The following GPHN variants were observed in gnomAD, a reference collection of about 807,000 sequenced individuals.
GPHN encodes the protein gephyrin.
A neutral mutation model predicts 95.5 loss-of-function variants in GPHN; 17 were observed. The observed-to-expected ratio is 0.18, with a 90% CI of 0.12 to 0.27. The LOEUF (loss-of-function observed/expected upper bound fraction) is 0.27. GPHN is among the 10% of genes least tolerant of loss of function. The pLI, the probability that GPHN is intolerant of heterozygous loss-of-function variation, is 1.00. For missense variants in GPHN, 660 were observed against 978.1 expected, an observed-to-expected ratio of 0.67 and a Z score of 4.34; for synonymous variants, 320 against 322.5, an observed-to-expected ratio of 0.99 and a Z score of 0.08.
At chr14:67,120,926 A>G (rs1392943889) in intron 16 of GPHN, among the ~76,000 whole-genome samples, 2 of 152,188 alleles carry the variant, frequency 1.3e-5, no homozygotes, top group Non-Finnish European at 2.9e-5. Flanking sequence ...AGCCTATTGT[A>G]AGGGGACAGT....
At chr14:67,454,581 A>C in the GPHN span, 16 of 152,324 alleles carry the variant, frequency 1.1e-4, no homozygotes, top group East Asian at 2.9e-3. Context: ...CATCAAACAC[A>C]AATGGGCATC....
chr14:67,097,216 G>A (rs1022151659), intron 12 of GPHN, among the ~76,000 whole-genome samples: 2 of 152,172 alleles, frequency 1.3e-5, no homozygotes, highest in African/African-American at 4.8e-5. Context: ...CTTGAGGGGA[G>A]AGGAGTCAGA....
At chr14:66,859,487 GC>G (rs1213966517) in intron 4 of GPHN, among the ~76,000 whole-genome samples, 1 of 152,200 alleles carries the variant, frequency 6.6e-6, no homozygotes, top group Non-Finnish European at 1.5e-5. Context: ...TACCTGGAAA[GC>G]CTTTCTGAGA....
At chr14:67,459,776 T>C in the GPHN span, among the ~76,000 whole-genome samples, 1 of 152,170 alleles carries the variant, frequency 6.6e-6, no homozygotes, top group African/African-American at 2.4e-5. Flanking sequence ...AACAATTATA[T>C]CGTTGAAGTG....
intron 5 of GPHN, among the ~76,000 whole-genome samples, chr14:66,908,533 G>A (rs947859026): frequency 6.6e-6 from 1 of 152,010 alleles, no homozygotes; most frequent in Non-Finnish European, 1.5e-5. Flanking sequence ...TTATATAGAT[G>A]CTCCACCCTC....
intron 1 of GPHN, among the ~76,000 whole-genome samples, chr14:66,671,237 G>C (rs757771195): frequency 3.9e-5 from 6 of 152,020 alleles, no homozygotes; most frequent in African/African-American, 1.2e-4. Context: ...TTAGGTTTTC[G>C]TGCCTTTGAG....
intron 3 of GPHN, among the ~76,000 whole-genome samples, chr14:66,791,010 A>G (rs893187961): frequency 6.6e-6 from 1 of 152,240 alleles, no homozygotes; most frequent in Non-Finnish European, 1.5e-5. Flanking sequence ...GGACTTTACC[A>G]AGAGGGGCCT....
At chr14:66,632,489 C>CTT (rs60856342) in intron 1 of GPHN, among the ~76,000 whole-genome samples, 242 of 121,864 alleles carry the variant, frequency 2.0e-3, no homozygotes, top group Non-Finnish European at 3.3e-3. Flanking sequence ...ACAATACATT[C>CTT]TTTTTTTTTT....
At chr14:67,083,193 A>G (rs2076756798) in intron 11 of GPHN, among the ~76,000 whole-genome samples, 1 of 152,134 alleles carries the variant, frequency 6.6e-6, no homozygotes, top group African/African-American at 2.4e-5. Flanking sequence ...CAATTTTGCA[A>G]ATAGTTGCTA....
the GPHN span, among the ~76,000 whole-genome samples, chr14:67,482,373 CA>C: frequency 6.6e-6 from 1 of 152,352 alleles, no homozygotes; most frequent in African/African-American, 2.4e-5. Context: ...CATCTTGTTT[CA>C]GGGGGCTAAG....
chr14:67,180,333 C>G (rs75725179), intron 22 of GPHN, among the ~76,000 whole-genome samples: 6,111 of 152,194 alleles, frequency 0.04, 175 homozygotes, highest in African/African-American at 0.079. Flanking sequence ...AACTGGCCAC[C>G]AACCTACTTA....
At chr14:67,567,186 G>A in the GPHN span, among the ~76,000 whole-genome samples, 1 of 152,178 alleles carries the variant, frequency 6.6e-6, no homozygotes, top group South Asian at 2.1e-4. Context: ...GTGGCCAGAA[G>A]CCCAGCCTCT....
chr14:67,574,416 G>A, the GPHN span: 1 of 1,516,216 alleles, frequency 6.6e-7, no homozygotes, highest in Non-Finnish European at 8.8e-7. This position sits in a 1 kb window ranked among gnomAD's most constrained non-coding sequence, Gnocchi z 4.2. Flanking sequence ...AGAGGGTGGG[G>A]CTGATAGGGC....
chr14:66,711,440 T>C (rs2069611648), intron 2 of GPHN, among the ~76,000 whole-genome samples: 1 of 152,150 alleles, frequency 6.6e-6, no homozygotes, highest in Non-Finnish European at 1.5e-5. Context: ...CACTTGTTGA[T>C]TGATGGGCAC....
chr14:67,383,487 C>T, the GPHN span: 2 of 1,606,652 alleles, frequency 1.2e-6, no homozygotes, highest in Admixed American at 1.7e-5. Flanking sequence ...AGCAGCGCTT[C>T]CTGGCTGTAA....
At chr14:67,438,851 ACT>A in the GPHN span, among the ~76,000 whole-genome samples, 11 of 130,998 alleles carry the variant, frequency 8.4e-5, no homozygotes, top group South Asian at 2.1e-3. Flanking sequence ...ACAGAGTGAG[ACT>A]CCGTCTCAAA....
At chr14:67,619,811 G>C in the GPHN span, 1 of 559,678 alleles carries the variant, frequency 1.8e-6, no homozygotes, top group Non-Finnish European at 3.1e-6. Context: ...AAGAAGGTGT[G>C]CCGGGGGCTG....
the GPHN span, among the ~76,000 whole-genome samples, chr14:67,456,092 T>A: frequency 6.6e-6 from 1 of 152,104 alleles, no homozygotes; most frequent in African/African-American, 2.4e-5. Flanking sequence ...ATATCCAGAA[T>A]CTATAAGGAA....
chr14:66,698,923 CTTGTG>C (rs1350421587), intron 2 of GPHN, among the ~76,000 whole-genome samples: 3 of 152,046 alleles, frequency 2.0e-5, no homozygotes, highest in Admixed American at 6.6e-5. Flanking sequence ...GGAGTTCAAA[CTTGTG>C]TTGTTCAAGG....
Sources: allele counts gnomAD v4.1 joint callset (sites outside exome capture counted in the v4.1 genomes callset), GRCh38; gene constraint gnomAD v4.1.1; non-coding constraint Gnocchi (gnomAD v3.1); transcripts MANE v1.5; gene names NCBI Gene and HGNC (gene_info 2026-07-23, HGNC 2026-07-21).